MAP4: variants seen among roughly 807,000 people sequenced by gnomAD.
MAP4 encodes the protein microtubule associated protein 4, also known as microtubule-associated protein 4.
MAP4 carries 76 observed loss-of-function variants against 170.2 expected under a neutral mutation model. That is an observed-to-expected ratio of 0.45 (90% CI 0.37 to 0.54). The LOEUF (loss-of-function observed/expected upper bound fraction) is 0.54. Ranked by LOEUF, MAP4 falls within the 20% of genes least tolerant of loss-of-function variation. The probability of loss-of-function intolerance (pLI) is 0.00; values close to 1 mark genes in which losing one functional copy is unlikely to be tolerated. For missense variants in MAP4, 2,506 were observed against 2,748.0 expected (o/e 0.91, Z 1.97); for synonymous variants, 909 against 994.5 (o/e 0.91, Z 1.62).
At chr3:47,908,984 T>C (rs1210489561) in intron 9 of MAP4, 54 bp downstream of exon 9, 10 of 1,552,772 alleles carry the variant, frequency 6.4e-6, no homozygotes, top group Non-Finnish European at 8.7e-6. Context: ...TTTGCCTTTC[T>C]GATGCTGACT....
chr3:47,924,065 TAC>T (rs2100044477), intron 4 of MAP4, among the ~76,000 whole-genome samples: 1 of 152,186 alleles, frequency 6.6e-6, no homozygotes, highest in African/African-American at 2.4e-5. Context: ...AGATGATTCT[TAC>T]AGAGTTCTGT....
intron 1 of MAP4, among the ~76,000 whole-genome samples, chr3:48,061,909 C>T (rs1005973828): frequency 1.6e-4 from 24 of 150,236 alleles, no homozygotes; most frequent in Non-Finnish European, 2.8e-4. Context: ...GCCGCCACCC[C>T]GTCCGGGAGG....
intron 1 of MAP4, among the ~76,000 whole-genome samples, chr3:48,071,740 T>C (rs1295803535): frequency 6.6e-6 from 1 of 151,154 alleles, no homozygotes; most frequent in East Asian, 2.0e-4. Context: ...GCTGGGCTAA[T>C]GTGGTGAAAC....
intron 1 of MAP4, among the ~76,000 whole-genome samples, chr3:48,022,524 T>C (rs2100111064): frequency 2.0e-5 from 3 of 152,140 alleles, no homozygotes; most frequent in Admixed American, 2.0e-4. Flanking sequence ...AAAAACTATT[T>C]TGAAGCTAGA....
rs760543190 is a variant in MAP4 at position 47,916,593 on chromosome 3, A to T, written c.1234T>A (p.Leu412Ile). 4.3e-6 allele frequency: 7 copies of T among 1,614,242 alleles called. No individual in the cohort carries two copies. Among genetic ancestry groups the T allele is most frequent in the Non-Finnish European group, 5.9e-6 (7 of 1,180,042 alleles). ...NKIVPAKDLV[L>I]LSEIEVAQAN... ...TGTGCCACCTCTATTTCTGAGAGTA[A>T]TACCAAATCCTTGGCTGGGACTATC... The change falls in exon 7 of 21, where the codon TTA becomes ATA. Residue 412 changes from leucine to isoleucine, a missense_variant. Around this residue, in one of 3 missense-constraint regions of MAP4, gnomAD observed 2,008 missense variants for 2,206.0 expected, o/e 0.91. Transcript: ENST00000683076.
rs758750284 is a variant in MAP4 at position 47,867,261 on chromosome 3, G to A, written c.6486C>T (p.Val2162=). The change falls in exon 17 of 21, where the codon GTC becomes GTT. Residue 2162 remains valine, a synonymous_variant. Transcript: ENST00000683076. ...KCGSKDNIKH[V]PGGGNVQIQN... is the part of the protein sequence containing the mutation. Reference sequence around the variant, plus strand: ...TTATACTTACATTACCACCTCCAGGGACATGCTTAATATTGTCCTTGGAAC... The same window carrying A: ...TTATACTTACATTACCACCTCCAGGAACATGCTTAATATTGTCCTTGGAAC... The A allele has an allele frequency of 1.5e-5, 24 of 1,611,870 alleles. No homozygotes were observed. The highest frequency in any genetic ancestry group is 2.7e-5 in the African/African-American group (2 of 74,852).
intron 3 of MAP4, among the ~76,000 whole-genome samples, chr3:47,967,173 C>A (rs2100075613): frequency 6.6e-6 from 1 of 151,774 alleles, no homozygotes; most frequent in Non-Finnish European, 1.5e-5. Flanking sequence ...CCCATCTCTA[C>A]TAAAAATACA....
At chr3:48,029,946 C>T (rs942479543) in intron 1 of MAP4, among the ~76,000 whole-genome samples, 1 of 148,982 alleles carries the variant, frequency 6.7e-6, no homozygotes, top group Non-Finnish European at 1.5e-5. Flanking sequence ...TGCAGTGAGC[C>T]GAGATCCCTA....
chr3:48,007,761 C>T (rs888571008), intron 1 of MAP4, among the ~76,000 whole-genome samples: 11 of 151,606 alleles, frequency 7.3e-5, no homozygotes, highest in Non-Finnish European at 8.8e-5. Context: ...CAACCTCCAC[C>T]TCCCAGGTTC....
intron 2 of MAP4, among the ~76,000 whole-genome samples, chr3:47,980,259 A>G (rs943290202): frequency 6.6e-6 from 1 of 152,200 alleles, no homozygotes; most frequent in Non-Finnish European, 1.5e-5. Context: ...GATTGACTAT[A>G]TAGATCAATT....
chr3:47,858,336 C>T lies in MAP4; in HGVS notation c.6502-824G>A, dbSNP rs867855968. On this transcript the variant is annotated intron_variant, in intron 17 of 20. Coordinates refer to ENST00000683076, the MANE Select transcript of MAP4 (RefSeq NM_001385682.1). ...CCACCAGCCTTCACTTCTAACCCCA[C>T]CTCCAGCCAGACCAAACCACCATTT... Among the ~76,000 whole-genome samples, 69 of 152,180 alleles carry T rather than the reference C, an allele frequency of 4.5e-4. 1 individual carries two copies. The Middle Eastern group carries it at 0.014, about 30-fold the overall frequency.
intron 1 of MAP4, among the ~76,000 whole-genome samples, chr3:48,000,959 T>A (rs2100098816): frequency 6.6e-6 from 1 of 152,206 alleles, no homozygotes; most frequent in African/African-American, 2.4e-5. Flanking sequence ...TCCTCCCACT[T>A]ACATGCTGTG....
At chr3:47,941,581 G>C (rs2100056441) in intron 3 of MAP4, among the ~76,000 whole-genome samples, 1 of 151,152 alleles carries the variant, frequency 6.6e-6, no homozygotes, top group Non-Finnish European at 1.5e-5. Flanking sequence ...TTCGAGACCA[G>C]CCTGGCTAAC....
At chr3:47,904,327 A>T (rs71323371) in intron 9 of MAP4, among the ~76,000 whole-genome samples, 40,904 of 151,776 alleles carry the variant, frequency 0.27, 5,796 homozygotes, top group South Asian at 0.37. Context: ...TATTATTATT[A>T]TTTTTTGAGA....
intron 1 of MAP4, among the ~76,000 whole-genome samples, chr3:48,077,984 GGAA>G (rs752496839): frequency 8.5e-5 from 13 of 152,176 alleles, no homozygotes; most frequent in Admixed American, 2.0e-4. Context: ...AGAACAGACA[GGAA>G]GATGATTAGT....
chr3:47,885,975 G>A lies in MAP4; in HGVS notation c.5435-8452C>T, dbSNP rs371656050. 7.2e-5 allele frequency among the ~76,000 whole-genome samples: 11 copies of A among 152,140 alleles called. No homozygotes were observed. The East Asian group carries it at 9.6e-4, about 13-fold the overall frequency. ...GATCTCCTGACCTCATGATCCGCCC[G>A]CCTCGGCCTCCCAAAGTGTTGGGAT... On this transcript the variant is annotated intron_variant, in intron 10 of 20. Coordinates refer to ENST00000683076, the MANE Select transcript of MAP4 (RefSeq NM_001385682.1).
chr3:48,008,387 T>C (rs1045992077), intron 1 of MAP4, among the ~76,000 whole-genome samples: 2 of 152,180 alleles, frequency 1.3e-5, no homozygotes, highest in African/African-American at 4.8e-5. Context: ...CTACAACCCC[T>C]TTCTAGGACA....
At chr3:47,990,162 T>C (rs937925711) in intron 2 of MAP4, among the ~76,000 whole-genome samples, 13 of 152,220 alleles carry the variant, frequency 8.5e-5, no homozygotes, top group Admixed American at 7.2e-4. Flanking sequence ...ATTAAGCTGG[T>C]TGCAATTTTC....
At chr3:47,999,372 A>T (rs1168043940) in intron 1 of MAP4, among the ~76,000 whole-genome samples, 7 of 152,010 alleles carry the variant, frequency 4.6e-5, no homozygotes, top group African/African-American at 1.7e-4. Flanking sequence ...CAAACTACTT[A>T]GCCCTGCCAG....
Sources: allele counts gnomAD v4.1 joint callset (sites outside exome capture counted in the v4.1 genomes callset), GRCh38; gene constraint gnomAD v4.1.1; regional missense constraint gnomAD v4.1.1; transcripts MANE v1.5; gene names NCBI Gene and HGNC (gene_info 2026-07-23, HGNC 2026-07-21).